Variants in HTT observed in about 807,000 individuals in gnomAD.
The protein encoded by HTT is huntington disease protein.
HTT carries 104 observed loss-of-function variants against 362.3 expected under a neutral mutation model. The ratio of observed to expected loss-of-function variants is 0.29; its 90% CI spans 0.24 to 0.34. The LOEUF is 0.34. HTT is among the 10% of genes least tolerant of loss of function. HTT has a pLI of 1.00. For synonymous variants in HTT, 1,577 were observed against 1,548.7 expected (o/e 1.02, Z -0.43); for missense variants, 3,301 against 3,928.6 (o/e 0.84, Z 4.27).
chr4:3,096,157 G>T (rs1186535448), intron 2 of HTT, among the ~76,000 whole-genome samples: 1 of 152,218 alleles, frequency 6.6e-6, no homozygotes, highest in Non-Finnish European at 1.5e-5. Flanking sequence ...AATGATGAAG[G>T]GGATTCGTTC....
In HTT at chr4:3,175,009, A is replaced by G; in HGVS notation, c.4309A>G (p.Thr1437Ala). The G allele has an allele frequency of 6.2e-7, 1 of 1,613,004 alleles. No individual in the cohort carries two copies. The highest frequency in any genetic ancestry group is 1.1e-5 in the South Asian group (1 of 91,048). The change falls in exon 33 of 67, where the codon ACG becomes GCG. Residue 1437 changes from threonine to alanine, a missense_variant. Transcript: ENST00000355072. ...PLVIKALKQY[T>A]TTTCVQLQKQ... ...TGTTATAAAAGCTTTAAAACAGTAC[A>G]CGACTACAACATGTGTGCAGTTACA...
At chr4:3,211,768 G>T in intron 47 of HTT, 161 bp from the exon 48 acceptor site, 1 of 586,196 alleles carries the variant, frequency 1.7e-6, no homozygotes, top group South Asian at 2.2e-5. Context: ...TTTATAACAG[G>T]CATAGAGTAG....
intron 8 of HTT, among the ~76,000 whole-genome samples, chr4:3,120,971 T>G (rs147160464): frequency 6.6e-6 from 1 of 152,320 alleles, no homozygotes; most frequent in Non-Finnish European, 1.5e-5. Flanking sequence ...GAAATAGAGA[T>G]CTTCATTCTC....
At chr4:3,095,566 C>A (rs1292102474) in intron 2 of HTT, among the ~76,000 whole-genome samples, 1 of 152,154 alleles carries the variant, frequency 6.6e-6, no homozygotes, top group Non-Finnish European at 1.5e-5. Context: ...TTTAGTGATA[C>A]TAATTTTGGA....
chr4:3,180,498 C>A lies in HTT; in HGVS notation c.4613-17C>A. On this transcript the variant is annotated splice_polypyrimidine_tract_variant and intron_variant, in intron 35 of 66. Coordinates refer to ENST00000355072, the MANE Select transcript of HTT (RefSeq NM_001388492.1). ...TTCCATGAAATGCCTGATAAGGGTA[C>A]CCTTTTGTCCCCACAGCCATACCGG... 1 of 1,561,150 alleles carries A rather than the reference C, an allele frequency of 6.4e-7. No homozygotes were observed. Among genetic ancestry groups the A allele is most frequent in the Non-Finnish European group, 8.7e-7 (1 of 1,155,946 alleles).
chr4:3,093,892 C>T (rs1713655954), intron 2 of HTT, among the ~76,000 whole-genome samples: 1 of 133,536 alleles, frequency 7.5e-6, no homozygotes, highest in Non-Finnish European at 1.6e-5. Flanking sequence ...ATATCATTTA[C>T]CCCTTTAAGT....
chr4:3,220,345 G>T (rs201692791), intron 53 of HTT, 37 bp downstream of exon 53: 1 of 1,596,834 alleles, frequency 6.3e-7, no homozygotes, highest in Non-Finnish European at 8.6e-7. Flanking sequence ...CACCATTGTC[G>T]GACATCTACC....
chr4:3,087,088 G>C, intron 2 of HTT, 66 bp downstream of exon 2: 1 of 822,242 alleles, frequency 1.2e-6, no homozygotes, highest in South Asian at 1.7e-5. Context: ...TAATGGGCTA[G>C]AATATTCTTT....
chr4:3,157,236 C>T (rs763423795), intron 28 of HTT, 37 bp downstream of exon 28: 2 of 1,573,876 alleles, frequency 1.3e-6, no homozygotes, highest in Non-Finnish European at 1.7e-6. Flanking sequence ...TATATATGCA[C>T]ACATACTTAC....
intron 29 of HTT, among the ~76,000 whole-genome samples, chr4:3,168,212 G>A (rs568912161): frequency 1.4e-3 from 209 of 152,328 alleles, no homozygotes; most frequent in Non-Finnish European, 2.5e-3. Context: ...TGTCAGGCCA[G>A]GCTTGAGATA....
In HTT at chr4:3,199,801, A is replaced by G. The variant is rs1719447789; in HGVS notation, c.5438A>G (p.Tyr1813Cys). 1 of 1,614,174 alleles carries G rather than the reference A, an allele frequency of 6.2e-7. No homozygotes were observed. Among genetic ancestry groups the G allele is most frequent in the Non-Finnish European group, 8.5e-7 (1 of 1,180,034 alleles). ...AGTGATGGCTGTGGCGGCAGTTTCT[A>G]CACCCTGGACAGCTTGAACTTGCGG... ...FRSDGCGGSF[Y>C]TLDSLNLRAR... is the part of the protein sequence containing the mutation. The change falls in exon 41 of 67, where the codon TAC becomes TGC. Residue 1813 changes from tyrosine to cysteine, a missense_variant. Coordinates refer to ENST00000355072, the MANE Select transcript of HTT (RefSeq NM_001388492.1).
intron 16 of HTT, 77 bp from the exon 17 acceptor site, chr4:3,132,485 G>A: frequency 8.0e-7 from 1 of 1,254,454 alleles, no homozygotes; most frequent in East Asian, 2.4e-5. Context: ...TCTCTTTCCT[G>A]AGAATTAAGC....
intron 53 of HTT, among the ~76,000 whole-genome samples, chr4:3,221,238 C>T (rs1302899158): frequency 6.6e-6 from 1 of 152,218 alleles, no homozygotes; most frequent in Non-Finnish European, 1.5e-5. Context: ...CTTGCCTCTA[C>T]TTTCCCCTTT....
At chr4:3,229,476 A>G (rs1242276251) in intron 59 of HTT, among the ~76,000 whole-genome samples, 6 of 142,322 alleles carry the variant, frequency 4.2e-5, no homozygotes, top group African/African-American at 1.1e-4. Context: ...CACCAGACAC[A>G]TGGCACACAC....
rs922457520 is a variant in HTT, at chr4:3,219,000, A to G, written c.7242+1048A>G. Among the ~76,000 whole-genome samples, 1 of 152,194 alleles carries G rather than the reference A, an allele frequency of 6.6e-6. No homozygotes were observed. Among genetic ancestry groups the G allele is most frequent in the South Asian group, 2.1e-4 (1 of 4,824 alleles). On this transcript the variant is annotated intron_variant, in intron 52 of 66. Transcript: ENST00000355072. This position sits in a 1 kb window ranked among gnomAD's most constrained non-coding sequence, Gnocchi z 4.4. ...CTAGGGAGGCTTGCTCCAAGGACGC[A>G]GTATTGTTTGATCCTGAGAGATAAG...
At chr4:3,080,125 G>A (rs145303821) in intron 1 of HTT, among the ~76,000 whole-genome samples, 1,920 of 130,576 alleles carry the variant, frequency 0.015, 30 homozygotes, top group African/African-American at 0.039. Context: ...ACGGAGTTTC[G>A]CTCTTGTCAC....
At chr4:3,077,854 T>C (rs1019787292) in intron 1 of HTT, among the ~76,000 whole-genome samples, 19 of 150,408 alleles carry the variant, frequency 1.3e-4, no homozygotes, top group Non-Finnish European at 2.4e-4. Flanking sequence ...AAGGAGGTAT[T>C]CACTAATTTT....
rs751584521 is a variant in HTT at position 3,087,045 on chromosome 4, A to G, written c.347+23A>G. On this transcript the variant is annotated intron_variant, in intron 2 of 66. Coordinates refer to ENST00000355072, the MANE Select transcript of HTT (RefSeq NM_001388492.1). ...CAGGTAATTGCACTTTGAACTGTCT[A>G]GAGAAAATAAGAACTTTGTATATTT... 13 of 1,279,244 alleles carry G rather than the reference A, an allele frequency of 1.0e-5. No homozygotes were observed. The East Asian group carries it at 2.3e-4, about 23-fold the overall frequency. The allele number at this position is 1,279,244 out of a possible 1,614,324, so 79.2% of individuals were successfully genotyped here.
chr4:3,143,265 C>G (rs1278318419), intron 23 of HTT, among the ~76,000 whole-genome samples: 1 of 151,756 alleles, frequency 6.6e-6, no homozygotes, highest in Non-Finnish European at 1.5e-5. Context: ...GGTGAAACCC[C>G]ATCTCTACTA....
Sources: allele counts gnomAD v4.1 joint callset (sites outside exome capture counted in the v4.1 genomes callset), GRCh38; gene constraint gnomAD v4.1.1; non-coding constraint Gnocchi (gnomAD v3.1); transcripts MANE v1.5; gene names NCBI Gene and HGNC (gene_info 2026-07-23, HGNC 2026-07-21).